CABLES1: variants seen among roughly 807,000 people sequenced by gnomAD.
CABLES1 encodes the protein CDK5 and ABL1 enzyme substrate 1.
In CABLES1, 36 loss-of-function variants were observed where a neutral mutation model predicts 57.8. That is an observed-to-expected ratio of 0.62 (90% CI 0.48 to 0.82). CABLES1 has a LOEUF of 0.82. Ranked by LOEUF, CABLES1 falls within the 40% of genes least tolerant of loss-of-function variation. The pLI, the probability that CABLES1 is intolerant of heterozygous loss-of-function variation, is 0.00. For missense variants in CABLES1, 767 were observed against 836.6 expected (o/e 0.92, Z 1.03); for synonymous variants, 374 against 363.0 (o/e 1.03, Z -0.35).
In CABLES1 at chr18:23,256,536, G is replaced by A. The variant is rs117367342; in HGVS notation, c.1762-691G>A. On this transcript the variant is annotated intron_variant, in intron 9 of 9. Transcript: ENST00000256925. ...TGCTTTGTTGCCCAGGCTGGAGTTC[G>A]GTGGCACAATCTTGACTCACTGCAA... 8.3e-4 allele frequency among the ~76,000 whole-genome samples: 126 copies of A among 151,952 alleles called. 2 individuals carry two copies. In the East Asian group the frequency reaches 0.02, roughly 24 times the overall value.
At chr18:23,206,296 G>A (rs2047362811) in intron 3 of CABLES1, among the ~76,000 whole-genome samples, 1 of 152,192 alleles carries the variant, frequency 6.6e-6, no homozygotes, top group Non-Finnish European at 1.5e-5. Context: ...GGCTCAGGAG[G>A]CCTTTCTCCA....
chr18:23,189,500 G>C (rs572258763), intron 2 of CABLES1: 1 of 154,484 alleles, frequency 6.5e-6, no homozygotes, highest in African/African-American at 2.4e-5. Context: ...ACCCAGCCAG[G>C]CCCTCATGGA....
intron 1 of CABLES1, among the ~76,000 whole-genome samples, chr18:23,169,261 C>T (rs942878670): frequency 6.6e-6 from 1 of 152,204 alleles, no homozygotes; most frequent in African/African-American, 2.4e-5. Flanking sequence ...ACCAGCAGCC[C>T]TCAGGGCTGC....
intron 1 of CABLES1, among the ~76,000 whole-genome samples, chr18:23,165,104 C>T (rs118027429): frequency 0.029 from 4,333 of 151,950 alleles, 95 homozygotes; most frequent in Non-Finnish European, 0.044. Context: ...TTTTTCTCTT[C>T]TTTTTTAGAG....
chr18:23,180,163 C>T (rs2047155057), intron 1 of CABLES1, among the ~76,000 whole-genome samples: 1 of 152,114 alleles, frequency 6.6e-6, no homozygotes, highest in Non-Finnish European at 1.5e-5. Flanking sequence ...CCTCGTGATC[C>T]ACCCGCCTCA....
chr18:23,200,773 A>ATG (rs2047319733), intron 3 of CABLES1, among the ~76,000 whole-genome samples: 1 of 152,204 alleles, frequency 6.6e-6, no homozygotes, highest in Non-Finnish European at 1.5e-5. Flanking sequence ...TTGCGGCAAA[A>ATG]TGTCAGTTTA....
intron 3 of CABLES1, among the ~76,000 whole-genome samples, chr18:23,201,565 T>C (rs544591534): frequency 6.6e-6 from 1 of 152,284 alleles, no homozygotes; most frequent in South Asian, 2.1e-4. Flanking sequence ...AGAAAGTAGA[T>C]AAGAGGTTAC....
chr18:23,170,666 G>A (rs1185318501), intron 1 of CABLES1, among the ~76,000 whole-genome samples: 1 of 152,206 alleles, frequency 6.6e-6, no homozygotes, highest in Non-Finnish European at 1.5e-5. Flanking sequence ...CTCAGAATGA[G>A]CTTTTCACCT....
intron 3 of CABLES1, among the ~76,000 whole-genome samples, chr18:23,206,425 G>T (rs1178055573): frequency 6.6e-6 from 1 of 152,258 alleles, no homozygotes; most frequent in Non-Finnish European, 1.5e-5. Flanking sequence ...AATACCCACA[G>T]AAATCTCCTA....
chr18:23,231,262 A>G (rs1172256031), intron 4 of CABLES1, among the ~76,000 whole-genome samples: 1 of 152,260 alleles, frequency 6.6e-6, no homozygotes, highest in African/African-American at 2.4e-5. Context: ...GTCACTAGCC[A>G]CATGTGGCAA....
chr18:23,174,991 A>AG (rs913107730), intron 1 of CABLES1, among the ~76,000 whole-genome samples: 11 of 151,864 alleles, frequency 7.2e-5, no homozygotes, highest in African/African-American at 2.4e-4. Flanking sequence ...GATTTTTTGC[A>AG]GTTACGCTTC....
rs1230589723 is a variant in CABLES1, at chr18:23,236,016, G to GC, written c.1309dup (p.Arg437ProfsTer13). The GC allele has an allele frequency of 1.9e-6, 3 of 1,614,054 alleles. No individual in the cohort carries two copies. The highest frequency in any genetic ancestry group is 2.5e-6 in the Non-Finnish European group (3 of 1,180,048). ...CTGAGCCACCGCAGCCTCTCCATAG[G>GC]CCGGGCAAGCGGCACCCAGGGGAGC... On this transcript the variant is annotated frameshift_variant, in exon 6 of 10. Coordinates refer to ENST00000256925, the MANE Select transcript of CABLES1 (RefSeq NM_001100619.3). LOFTEE classifies it high-confidence loss of function.
At chr18:23,256,876 T>C (rs1331957518) in intron 9 of CABLES1, among the ~76,000 whole-genome samples, 2 of 152,240 alleles carry the variant, frequency 1.3e-5, no homozygotes, top group Admixed American at 1.3e-4. Flanking sequence ...GTGCTGCAAT[T>C]GGCTACACAT....
intron 3 of CABLES1, among the ~76,000 whole-genome samples, chr18:23,206,594 A>C (rs1317705963): frequency 1.3e-5 from 2 of 152,236 alleles, no homozygotes; most frequent in African/African-American, 4.8e-5. Context: ...CATTGCTGGG[A>C]TGTCCACGTT....
chr18:23,150,388 A>T (rs1253854424), intron 1 of CABLES1, among the ~76,000 whole-genome samples: 1 of 151,340 alleles, frequency 6.6e-6, no homozygotes, highest in Non-Finnish European at 1.5e-5. Flanking sequence ...TTGTGTGTGT[A>T]TGTGTATTTA....
rs151220902 is a variant in CABLES1, at chr18:23,192,917, C to A, written c.918-1531C>A. On this transcript the variant is annotated intron_variant, in intron 2 of 9. Coordinates refer to ENST00000256925, the MANE Select transcript of CABLES1 (RefSeq NM_001100619.3). ...TTAAATCTGGGTTTAGTGGCCCAGG[C>A]GCAGTGGCTCACACCTATAATCCCA... Among the ~76,000 whole-genome samples the A allele has an allele frequency of 2.6e-4, 39 of 152,236 alleles. No individual in the cohort carries two copies. The East Asian group carries it at 7.0e-3, about 27-fold the overall frequency.
At chr18:23,192,357 T>C (rs2047250370) in intron 2 of CABLES1, among the ~76,000 whole-genome samples, 1 of 152,272 alleles carries the variant, frequency 6.6e-6, no homozygotes, top group Non-Finnish European at 1.5e-5. Flanking sequence ...CTTCCTTTGC[T>C]GGTACAGACA....
intron 1 of CABLES1, among the ~76,000 whole-genome samples, chr18:23,182,267 A>G (rs2047172706): frequency 1.3e-5 from 2 of 152,240 alleles, no homozygotes; most frequent in South Asian, 2.1e-4. Context: ...TCAGTGCTCC[A>G]GGCTAACTAG....
At chr18:23,138,630 TA>T (rs2046838169) in intron 1 of CABLES1, among the ~76,000 whole-genome samples, 9 of 152,242 alleles carry the variant, frequency 5.9e-5, no homozygotes, top group African/African-American at 2.2e-4. Flanking sequence ...CCGCTTGTCT[TA>T]TCACTAGAGT....
Sources: gnomAD v4.1 joint callset for allele counts (sites outside exome capture counted in the v4.1 genomes callset) on GRCh38, gnomAD v4.1.1 for gene constraint, MANE v1.5 for transcripts, NCBI Gene and HGNC (gene_info 2026-07-23, HGNC 2026-07-21) for gene names.